The following GRB10 variants were observed in gnomAD, a reference collection of about 807,000 sequenced individuals.
GRB10 encodes the protein growth factor receptor-bound protein 10.
A neutral mutation model predicts 80.9 loss-of-function variants in GRB10; 20 were observed. The ratio of observed to expected loss-of-function variants is 0.25; its 90% confidence interval spans 0.17 to 0.36. The LOEUF (loss-of-function observed/expected upper bound fraction) is 0.36, where lower values mean the gene tolerates loss of function less well. GRB10 is among the 10% of genes least tolerant of loss of function. The probability of loss-of-function intolerance (pLI) is 1.00; values close to 1 mark genes in which losing one functional copy is unlikely to be tolerated. For synonymous variants in GRB10, 291 were observed against 291.5 expected (o/e 1.00, Z 0.02); for missense variants, 548 against 747.7 (o/e 0.73, Z 3.12).
chr7:50,635,316 A>T (rs894274838), intron 7 of GRB10, among the ~76,000 whole-genome samples: 1 of 152,200 alleles, frequency 6.6e-6, no homozygotes, highest in Admixed American at 6.5e-5. Context: ...GCAGAAAAAG[A>T]AATTTTTTTA....
chr7:50,651,121 T>A (rs10261940), intron 7 of GRB10, among the ~76,000 whole-genome samples: 2 of 152,118 alleles, frequency 1.3e-5, no homozygotes, highest in East Asian at 1.9e-4. Context: ...CTATTCCTCC[T>A]ACGGTCTGAT....
rs1303978265 is a variant in GRB10 at position 50,590,412 on chromosome 7, A to G, written c.*2540T>C. On this transcript the variant is annotated 3_prime_UTR_variant, in exon 19 of 19. Coordinates refer to ENST00000401949, the MANE Select transcript of GRB10 (RefSeq NM_001350814.2). ...AGACAAAACATCTAGGCTGAGGCAC[A>G]TGTTTCTTCAAGGTTTAGCAAACAA... 1.3e-5 allele frequency: 2 copies of G among 152,258 alleles called. No individual in the cohort carries two copies. Among genetic ancestry groups the G allele is most frequent in the Non-Finnish European group, 2.9e-5 (2 of 68,044 alleles). 9.4% of individuals were successfully genotyped at this position (152,258 alleles called of 1,614,324 possible).
chr7:50,715,343 G>A lies in GRB10; in HGVS notation c.52-11435C>T, dbSNP rs1027039202. Among the ~76,000 whole-genome samples the A allele has an allele frequency of 4.6e-5, 7 of 152,024 alleles. No individual in the cohort carries two copies. The South Asian group carries it at 6.2e-4, about 14-fold the overall frequency. ...TCCCCAGAGGCTTTGGATAAAGCTC[G>A]TTTTATTCATAAAAATGAATAAACA... On this transcript the variant is annotated intron_variant, in intron 4 of 18. Transcript: ENST00000401949.
At chr7:50,657,906 C>A (rs1389162232) in intron 7 of GRB10, among the ~76,000 whole-genome samples, 1 of 151,616 alleles carries the variant, frequency 6.6e-6, no homozygotes, top group African/African-American at 2.4e-5. Flanking sequence ...TTCTTTTTTA[C>A]ATTTTTATTA....
intron 2 of GRB10, among the ~76,000 whole-genome samples, chr7:50,756,986 C>T (rs1028255133): frequency 6.6e-6 from 1 of 152,138 alleles, no homozygotes; most frequent in African/African-American, 2.4e-5. Flanking sequence ...CTCAACAGAT[C>T]CCTCCATGGA....
intron 6 of GRB10, among the ~76,000 whole-genome samples, chr7:50,671,249 T>C (rs376730187): frequency 6.6e-6 from 1 of 152,178 alleles, no homozygotes; most frequent in Non-Finnish European, 1.5e-5. Context: ...TCCCTCCCCA[T>C]GTTTAAACAT....
At chr7:50,669,692 A>C in intron 7 of GRB10, 30 bp downstream of exon 7, 1 of 1,607,370 alleles carries the variant, frequency 6.2e-7, no homozygotes, top group South Asian at 1.1e-5. Context: ...CATATCCCTC[A>C]GCCTGGGCTC....
chr7:50,762,262 A>T (rs2075848853), intron 2 of GRB10, among the ~76,000 whole-genome samples: 1 of 151,458 alleles, frequency 6.6e-6, no homozygotes, highest in Admixed American at 6.6e-5. Flanking sequence ...TCTAATGGTG[A>T]AAATGATTTA....
chr7:50,724,334 T>C (rs994342100), intron 4 of GRB10, among the ~76,000 whole-genome samples: 2 of 152,194 alleles, frequency 1.3e-5, no homozygotes, highest in Non-Finnish European at 2.9e-5. Flanking sequence ...TAGCAATGAA[T>C]TGCCAGAAAG....
chr7:50,742,265 GCGCGCGCACACA>G (rs1332508261), intron 3 of GRB10, among the ~76,000 whole-genome samples: 5 of 138,812 alleles, frequency 3.6e-5, no homozygotes, highest in African/African-American at 1.1e-4. Flanking sequence ...ACGCGCACGC[GCGCGCGCACACA>G]CACACACACA....
chr7:50,655,444 G>A (rs187944067), intron 7 of GRB10, among the ~76,000 whole-genome samples: 26 of 152,284 alleles, frequency 1.7e-4, no homozygotes, highest in East Asian at 5.8e-4. Context: ...TAGGTTGAAC[G>A]TATATTTAAA....
At chr7:50,757,171 T>C (rs1211941380) in intron 2 of GRB10, among the ~76,000 whole-genome samples, 1 of 152,206 alleles carries the variant, frequency 6.6e-6, no homozygotes, top group Non-Finnish European at 1.5e-5. Flanking sequence ...CCAGAGAGTC[T>C]TGGTTCATCT....
intron 3 of GRB10, among the ~76,000 whole-genome samples, chr7:50,750,165 G>A (rs865825871): frequency 6.6e-6 from 1 of 152,172 alleles, no homozygotes; most frequent in Non-Finnish European, 1.5e-5. Flanking sequence ...GCTCTCCGTG[G>A]GAAAGCACCC....
chr7:50,754,080 G>A (rs772432974), intron 3 of GRB10, among the ~76,000 whole-genome samples: 3 of 152,212 alleles, frequency 2.0e-5, no homozygotes, highest in Admixed American at 6.5e-5. Flanking sequence ...CAAGGAGGGC[G>A]ACTGCCTGCC....
At chr7:50,666,779 A>G (rs2059852508) in intron 7 of GRB10, among the ~76,000 whole-genome samples, 1 of 152,050 alleles carries the variant, frequency 6.6e-6, no homozygotes. Flanking sequence ...AGTGGCTCAC[A>G]TCTGTAATCC....
chr7:50,621,525 C>T (rs1387928414), intron 8 of GRB10, among the ~76,000 whole-genome samples: 1 of 152,230 alleles, frequency 6.6e-6, no homozygotes. Context: ...AGCTGTGCAG[C>T]CTCCGGATGC....
chr7:50,740,828 GAA>G (rs34620281), intron 3 of GRB10, among the ~76,000 whole-genome samples: 2 of 141,596 alleles, frequency 1.4e-5, no homozygotes, highest in Non-Finnish European at 3.1e-5. Flanking sequence ...CCATTCTAAT[GAA>G]AAAAAAAAAT....
chr7:50,773,379 TGGGAAGGGAAG>T (rs1373385569), intron 2 of GRB10, among the ~76,000 whole-genome samples: 22 of 56,344 alleles, frequency 3.9e-4, no homozygotes, highest in African/African-American at 1.1e-3. Context: ...GGAAGCGGAA[TGGGAAGGGAAG>T]GGGAAGGGAA....
At chr7:50,617,522 T>C (rs2050872658) in intron 10 of GRB10, among the ~76,000 whole-genome samples, 1 of 152,184 alleles carries the variant, frequency 6.6e-6, no homozygotes, top group African/African-American at 2.4e-5. Flanking sequence ...CTCCCTCCAC[T>C]GGAAGAGGAG....
Sources: gnomAD v4.1 joint callset for allele counts (sites outside exome capture counted in the v4.1 genomes callset) on GRCh38, gnomAD v4.1.1 for gene constraint, MANE v1.5 for transcripts, NCBI Gene and HGNC (gene_info 2026-07-23, HGNC 2026-07-21) for gene names.